FER1L6: variants seen among roughly 807,000 people sequenced by gnomAD.
FER1L6 encodes the protein fer-1-like protein 6.
FER1L6 carries 177 observed loss-of-function variants against 219.2 expected under a neutral mutation model. The ratio of observed to expected loss-of-function variants is 0.81; its 90% confidence interval spans 0.71 to 0.91. The LOEUF (loss-of-function observed/expected upper bound fraction) is 0.91, where lower values mean the gene tolerates loss of function less well. FER1L6 is among the 40% of genes least tolerant of loss of function. The pLI, the probability that FER1L6 is intolerant of heterozygous loss-of-function variation, is 0.00. For synonymous variants in FER1L6, 768 were observed against 824.3 expected (o/e 0.93, Z 1.17); for missense variants, 2,153 against 2,259.9 (o/e 0.95, Z 0.96).
At chr8:124,011,970 A>G (rs567532238) in intron 14 of FER1L6, among the ~76,000 whole-genome samples, 16 of 152,188 alleles carry the variant, frequency 1.1e-4, no homozygotes, top group Non-Finnish European at 2.1e-4. Flanking sequence ...AACAGTGCCA[A>G]TCAATATCCA....
chr8:124,112,660 A>G (rs527449676), intron 39 of FER1L6, among the ~76,000 whole-genome samples: 4 of 152,350 alleles, frequency 2.6e-5, no homozygotes, highest in African/African-American at 9.6e-5. Flanking sequence ...GGAGGTTTCT[A>G]TGCTTCCAGT....
At chr8:124,082,151 A>G (rs1340082651) in intron 32 of FER1L6, 137 bp from the exon 33 acceptor site, 3 of 562,200 alleles carry the variant, frequency 5.3e-6, no homozygotes, top group East Asian at 3.0e-5. Context: ...CCAAACAAAT[A>G]TCTGCTAAGT....
At chr8:123,954,037 C>A (rs1420923276) in intron 1 of FER1L6, among the ~76,000 whole-genome samples, 1 of 152,154 alleles carries the variant, frequency 6.6e-6, no homozygotes, top group Non-Finnish European at 1.5e-5. Context: ...TTATTTAGCA[C>A]TTTCTATATC....
intron 14 of FER1L6, among the ~76,000 whole-genome samples, chr8:124,012,089 G>A (rs886926224): frequency 2.0e-5 from 3 of 151,964 alleles, no homozygotes; most frequent in Non-Finnish European, 2.9e-5. Flanking sequence ...TCCTACTCCC[G>A]TGCTCCCTCT....
chr8:124,049,029 A>G (rs902242866), intron 21 of FER1L6, among the ~76,000 whole-genome samples: 6 of 150,820 alleles, frequency 4.0e-5, no homozygotes, highest in African/African-American at 1.5e-4. Context: ...CCCTAGGATG[A>G]GCACCCCCAC....
At chr8:124,021,491 G>A in intron 16 of FER1L6, 59 bp from the exon 17 acceptor site, 1 of 1,600,930 alleles carries the variant, frequency 6.2e-7, no homozygotes, top group Non-Finnish European at 8.5e-7. Context: ...TCAGCAACAG[G>A]ACGCTGCTTG....
intron 22 of FER1L6, among the ~76,000 whole-genome samples, chr8:124,052,800 G>GAAAC (rs770635101): frequency 1.3e-5 from 2 of 151,726 alleles, no homozygotes; most frequent in African/African-American, 4.8e-5. Flanking sequence ...AACAAACAAA[G>GAAAC]AAACAAACAA....
intron 1 of FER1L6, among the ~76,000 whole-genome samples, chr8:123,871,439 A>G (rs1816922953): frequency 1.3e-5 from 2 of 152,102 alleles, no homozygotes; most frequent in African/African-American, 4.8e-5. Context: ...CCAAAAAGGA[A>G]GCGCTAAACA....
chr8:123,925,503 A>C (rs139815838), intron 1 of FER1L6, among the ~76,000 whole-genome samples: 36 of 152,352 alleles, frequency 2.4e-4, no homozygotes, highest in Non-Finnish European at 3.8e-4. Flanking sequence ...GGATGCTAGG[A>C]AAGGCAATTT....
chr8:123,856,648 C>T (rs560679469), intron 1 of FER1L6, among the ~76,000 whole-genome samples: 1 of 151,670 alleles, frequency 6.6e-6, no homozygotes, highest in Non-Finnish European at 1.5e-5. Context: ...TCATCATGTC[C>T]CCGACTGCCT....
intron 20 of FER1L6, among the ~76,000 whole-genome samples, chr8:124,042,031 G>A (rs1020384825): frequency 6.6e-6 from 1 of 152,114 alleles, no homozygotes; most frequent in Non-Finnish European, 1.5e-5. Flanking sequence ...TGTAATTGAG[G>A]CTTCCTTCCT....
At chr8:123,921,851 G>T (rs1813373270) in intron 1 of FER1L6, among the ~76,000 whole-genome samples, 1 of 152,074 alleles carries the variant, frequency 6.6e-6, no homozygotes, top group Non-Finnish European at 1.5e-5. Context: ...CCGCCCTCGG[G>T]CTGAGAGACT....
chr8:123,991,443 G>GTT (rs61107452), intron 12 of FER1L6, among the ~76,000 whole-genome samples: 6 of 149,300 alleles, frequency 4.0e-5, no homozygotes, highest in Non-Finnish European at 8.9e-5. Context: ...TATATTCCTA[G>GTT]TTTTTTTTTT....
chr8:124,040,092 CATGTTGCAAATACCTGCATCTTTGGGT>C, intron 20 of FER1L6, 86 bp downstream of exon 20: 1 of 1,554,646 alleles, frequency 6.4e-7, no homozygotes, highest in South Asian at 1.1e-5. Context: ...ACAACGGGGG[CATGTTGCAAATACCTGCATCTTTGGGT>C]GTGTAGATGT....
rs747098825 is a variant in FER1L6 at position 124,097,255 on chromosome 8, T to C, written c.4696-16T>C. The C allele has an allele frequency of 1.9e-6, 3 of 1,607,454 alleles. No individual in the cohort carries two copies. The highest frequency in any genetic ancestry group is 2.2e-5 in the East Asian group (1 of 44,750). ...CCCCTCCCAAAGCTAAAGAAGATAT[T>C]TTTTTTCTTAACAAGGGCCGCCTGC... On this transcript the variant is annotated splice_polypyrimidine_tract_variant and intron_variant, in intron 35 of 40. Coordinates refer to ENST00000522917, the MANE Select transcript of FER1L6 (RefSeq NM_001039112.2).
intron 18 of FER1L6, among the ~76,000 whole-genome samples, chr8:124,024,132 G>A (rs1179425371): frequency 6.6e-6 from 1 of 151,778 alleles, no homozygotes; most frequent in Non-Finnish European, 1.5e-5. Flanking sequence ...TCCTGACCTT[G>A]TGATCTGCCT....
chr8:124,037,363 G>A (rs1000935537), intron 19 of FER1L6, among the ~76,000 whole-genome samples: 6 of 152,216 alleles, frequency 3.9e-5, no homozygotes, highest in African/African-American at 1.4e-4. Flanking sequence ...ACTCCTGTCG[G>A]GAAATCCCTG....
rs766271216 is a variant in FER1L6, at chr8:124,045,780, C to A, written c.2603C>A (p.Thr868Asn). 1.4e-5 allele frequency: 23 copies of A among 1,614,068 alleles called. No homozygotes were observed. The highest frequency in any genetic ancestry group is 1.9e-5 in the Non-Finnish European group (22 of 1,179,986). The stretch of plus-strand genomic sequence containing the variant: ...CCCTGCTTCCAGATAATCTCCCAGA[C>A]CCTCTCTCCGACCTGGAACCAGATG... ...HCQTTKIISQ[T>N]LSPTWNQMLL... Residue 868 changes from threonine (T) to asparagine (N), a missense_variant, in exon 21 of 41, where the codon ACC becomes AAC. By Grantham distance (65) the Thr-to-Asn change is moderately conservative. Transcript: ENST00000522917.
At chr8:124,010,033 G>T (rs1296045534) in intron 13 of FER1L6, among the ~76,000 whole-genome samples, 1 of 151,830 alleles carries the variant, frequency 6.6e-6, no homozygotes, top group Non-Finnish European at 1.5e-5. Context: ...TAGTTTGAGG[G>T]TCGTGGAACT....
Sources: gnomAD v4.1 joint callset for allele counts (sites outside exome capture counted in the v4.1 genomes callset) on GRCh38, gnomAD v4.1.1 for gene constraint, MANE v1.5 for transcripts, NCBI Gene and HGNC (gene_info 2026-07-23, HGNC 2026-07-21) for gene names.